IGSF11: variants seen among roughly 807,000 people sequenced by gnomAD.
The protein encoded by IGSF11 is CXADR like 1.
IGSF11 carries 22 observed loss-of-function variants against 41.0 expected under a neutral mutation model. The ratio of observed to expected loss-of-function variants is 0.54; its 90% confidence interval spans 0.38 to 0.77. The LOEUF is 0.77. Ranked by LOEUF, IGSF11 falls within the 30% of genes least tolerant of loss-of-function variation. The pLI, the probability that IGSF11 is intolerant of heterozygous loss-of-function variation, is 0.00. For synonymous variants in IGSF11, 219 were observed against 201.3 expected (o/e 1.09, Z -0.74); for missense variants, 444 against 530.8 (o/e 0.84, Z 1.61).
At chr3:119,107,562 C>G (rs2077055879), upstream of IGSF11, among the ~76,000 whole-genome samples, 1 of 152,028 alleles carries the variant, frequency 6.6e-6, no homozygotes, top group South Asian at 2.1e-4. Flanking sequence ...ATGGTAGTTT[C>G]TTTTGCTGTG....
intron 1 of IGSF11, among the ~76,000 whole-genome samples, chr3:119,128,912 C>T (rs1253817698): frequency 6.6e-6 from 1 of 152,180 alleles, no homozygotes; most frequent in Non-Finnish European, 1.5e-5. Flanking sequence ...ATGGAACCAA[C>T]CCAAATTCCC....
chr3:118,923,062 T>C (rs560788774), intron 4 of IGSF11, among the ~76,000 whole-genome samples: 1 of 152,236 alleles, frequency 6.6e-6, no homozygotes, highest in East Asian at 1.9e-4. Context: ...AGTGAGCTGC[T>C]TTCCGGGTTC....
chr3:119,009,467 T>C (rs1937833259), intron 1 of IGSF11, among the ~76,000 whole-genome samples: 1 of 152,126 alleles, frequency 6.6e-6, no homozygotes, highest in South Asian at 2.1e-4. Flanking sequence ...TCTCATGAGA[T>C]CTGATAGTTT....
At chr3:119,132,398 A>C (rs1014370833) in intron 1 of IGSF11, among the ~76,000 whole-genome samples, 1 of 149,672 alleles carries the variant, frequency 6.7e-6, no homozygotes, top group Non-Finnish European at 1.5e-5. Flanking sequence ...AAAAAAAAAA[A>C]AAAAAAAAAG....
chr3:118,923,775 A>G (rs769439064), intron 4 of IGSF11, among the ~76,000 whole-genome samples: 26 of 152,280 alleles, frequency 1.7e-4, no homozygotes, highest in Admixed American at 4.6e-4. Flanking sequence ...GTTTCCTCAT[A>G]ATGAGATTTA....
intron 1 of IGSF11, among the ~76,000 whole-genome samples, chr3:119,079,755 C>T (rs1009198335): frequency 6.6e-6 from 1 of 152,178 alleles, no homozygotes; most frequent in African/African-American, 2.4e-5. Flanking sequence ...AGCTAGAAGT[C>T]ATTACTCTAA....
intron 1 of IGSF11, among the ~76,000 whole-genome samples, chr3:118,987,183 A>G (rs1164994295): frequency 1.3e-5 from 2 of 152,194 alleles, no homozygotes; most frequent in African/African-American, 4.8e-5. Context: ...AGATACTATA[A>G]AGAGGTACAA....
At chr3:118,972,865 A>C (rs1933601246) in intron 1 of IGSF11, among the ~76,000 whole-genome samples, 1 of 152,228 alleles carries the variant, frequency 6.6e-6, no homozygotes, top group Admixed American at 6.5e-5. Flanking sequence ...CACTGGGATA[A>C]AGCATAGGCC....
intron 1 of IGSF11, among the ~76,000 whole-genome samples, chr3:119,047,350 C>G (rs1032436839): frequency 9.2e-5 from 14 of 152,094 alleles, no homozygotes; most frequent in East Asian, 1.9e-4. Flanking sequence ...TGCAATCCTA[C>G]TCTCTGATAA....
intron 1 of IGSF11, among the ~76,000 whole-genome samples, chr3:119,132,269 G>A (rs2077492421): frequency 6.8e-6 from 1 of 147,402 alleles, no homozygotes; most frequent in Admixed American, 7.0e-5. Flanking sequence ...ATTGGATAAA[G>A]AGTCAAGACC....
chr3:119,107,674 C>T (rs951972672), upstream of IGSF11, among the ~76,000 whole-genome samples: 4 of 152,150 alleles, frequency 2.6e-5, no homozygotes, highest in Non-Finnish European at 5.9e-5. Context: ...TGCCTATGTC[C>T]TGAATGGTAA....
chr3:119,054,283 A>T (rs1941735384), intron 1 of IGSF11, among the ~76,000 whole-genome samples: 1 of 152,212 alleles, frequency 6.6e-6, no homozygotes, highest in African/African-American at 2.4e-5. Context: ...CAAACTATGT[A>T]TCCAACAAAG....
intron 1 of IGSF11, among the ~76,000 whole-genome samples, chr3:119,099,321 T>C (rs954722913): frequency 2.6e-5 from 4 of 152,140 alleles, no homozygotes; most frequent in African/African-American, 7.2e-5. Flanking sequence ...GTTAGTGTAG[T>C]ATATCAAAAT....
chr3:119,033,638 C>CA (rs1940627284), intron 1 of IGSF11, among the ~76,000 whole-genome samples: 2 of 152,126 alleles, frequency 1.3e-5, no homozygotes, highest in South Asian at 2.1e-4. Flanking sequence ...AGAAAAAAAA[C>CA]AGGGTTAACC....
intron 1 of IGSF11, among the ~76,000 whole-genome samples, chr3:119,033,223 G>A (rs1384686143): frequency 1.3e-5 from 2 of 152,118 alleles, no homozygotes; most frequent in Non-Finnish European, 2.9e-5. Flanking sequence ...CCAAAAATTT[G>A]AGCTGTTCTT....
chr3:119,084,710 C>A (rs747545962), intron 1 of IGSF11, among the ~76,000 whole-genome samples: 18 of 152,230 alleles, frequency 1.2e-4, no homozygotes, highest in Non-Finnish European at 2.4e-4. Context: ...AGTGCAGGCT[C>A]TACTGCCCAA....
At chr3:119,076,826 G>A (rs1274580236) in intron 1 of IGSF11, among the ~76,000 whole-genome samples, 1 of 152,172 alleles carries the variant, frequency 6.6e-6, no homozygotes, top group East Asian at 1.9e-4. Context: ...TGGTGGGACT[G>A]TAAACTAGTT....
At chr3:119,084,684 G>A (rs748804614) in intron 1 of IGSF11, among the ~76,000 whole-genome samples, 4 of 152,230 alleles carry the variant, frequency 2.6e-5, no homozygotes, top group South Asian at 2.1e-4. Flanking sequence ...TGGCTGCCCT[G>A]CAGAAGCGTG....
intron 1 of IGSF11, among the ~76,000 whole-genome samples, chr3:118,998,882 A>AT (rs1936531680): frequency 6.6e-6 from 1 of 152,114 alleles, no homozygotes; most frequent in South Asian, 2.1e-4. Flanking sequence ...AAAGTTATTC[A>AT]TTTTGGCATT....
Sources: gnomAD v4.1 joint callset for allele counts (sites outside exome capture counted in the v4.1 genomes callset) on GRCh38, gnomAD v4.1.1 for gene constraint, MANE v1.5 for transcripts, NCBI Gene and HGNC (gene_info 2026-07-23, HGNC 2026-07-21) for gene names.